TRPM1: variants seen among roughly 807,000 people sequenced by gnomAD.
TRPM1 encodes transient receptor potential cation channel subfamily M member 1.
In TRPM1, 113 loss-of-function variants were observed where a neutral mutation model predicts 149.4. The observed-to-expected ratio is 0.76, with a 90% CI of 0.65 to 0.88. The LOEUF is 0.88. Ranked by LOEUF, TRPM1 falls within the 40% of genes least tolerant of loss-of-function variation. The pLI, the probability that TRPM1 is intolerant of heterozygous loss-of-function variation, is 0.00. For missense variants in TRPM1, 1,976 were observed against 2,038.7 expected, an observed-to-expected ratio of 0.97 and a Z score of 0.59; for synonymous variants, 741 against 759.5, an observed-to-expected ratio of 0.98 and a Z score of 0.40.
At chr15:31,143,404 T>G (rs1410827661) in intron 1 of TRPM1, among the ~76,000 whole-genome samples, 2 of 152,192 alleles carry the variant, frequency 1.3e-5, no homozygotes, top group African/African-American at 2.4e-5. Flanking sequence ...TTGTTGTGTT[T>G]TGTTTTGTTT....
At chr15:31,083,178 A>C (rs2034907967) in intron 1 of TRPM1, among the ~76,000 whole-genome samples, 1 of 152,172 alleles carries the variant, frequency 6.6e-6, no homozygotes, top group South Asian at 2.1e-4. Flanking sequence ...TTGGGCCAAA[A>C]TTAACAAGCA....
rs773547868 is a variant in TRPM1, at chr15:31,001,926, ATCTG to A, written c.4770_4773del (p.Arg1591LeufsTer7). ...CTGCTTACACTACTGGCATGTCCAGATCTGTCTAACTTTCCCTGAATGGATTTCA... is the reference window on the plus strand; with the variant it reads ...CTGCTTACACTACTGGCATGTCCAGATCTAACTTTCCCTGAATGGATTTCA... On this transcript the variant is annotated frameshift_variant, in exon 28 of 28. Coordinates refer to ENST00000256552, the MANE Select transcript of TRPM1 (RefSeq NM_001252024.2). LOFTEE classifies it low-confidence loss of function (END_TRUNC). 1 of 1,614,152 alleles carries A rather than the reference ATCTG, an allele frequency of 6.2e-7. No homozygotes were observed. Among genetic ancestry groups the A allele is most frequent in the Admixed American group, 1.7e-5 (1 of 60,024 alleles).
chr15:31,117,134 G>A (rs1327382576), intron 1 of TRPM1, among the ~76,000 whole-genome samples: 1 of 151,750 alleles, frequency 6.6e-6, no homozygotes, highest in South Asian at 2.1e-4. Context: ...TGGATCATCT[G>A]AGGTCAGGAG....
chr15:31,076,889 G>A lies in TRPM1; in HGVS notation c.83+16C>T, dbSNP rs2034708037. ...CACTGGTTTGGATAATGTCTTAATC[G>A]TGGATTTCAATTTACCTGTTAGAGT... On this transcript the variant is annotated intron_variant, in intron 3 of 27. Coordinates refer to ENST00000256552, the MANE Select transcript of TRPM1 (RefSeq NM_001252024.2). The A allele has an allele frequency of 1.3e-5, 20 of 1,557,720 alleles. No individual in the cohort carries two copies. The highest frequency in any genetic ancestry group is 2.7e-5 in the African/African-American group (2 of 73,702).
chr15:31,113,799 C>G (rs1389550246), intron 1 of TRPM1, among the ~76,000 whole-genome samples: 1 of 152,172 alleles, frequency 6.6e-6, no homozygotes, highest in Non-Finnish European at 1.5e-5. Flanking sequence ...CAAGGACCCA[C>G]AGTTAGCAAC....
Position 31,002,200 on chromosome 15 carries a change from C to G in TRPM1, c.4500G>C (p.Thr1500=), listed in dbSNP as rs541509409. Residue 1500 remains threonine, a synonymous_variant, in exon 28 of 28, where the codon ACG becomes ACC. Coordinates refer to ENST00000256552, the MANE Select transcript of TRPM1 (RefSeq NM_001252024.2). ...AAGGAATATCTGTGCTATGAGAGCG[C>G]GTGATCTTTTGAACTTGGCATTGCC... ...TEWQCQVQKI[T]RSHSTDIPYI... is the part of the protein sequence containing the mutation. The G allele has an allele frequency of 6.2e-7, 1 of 1,614,238 alleles. No individual in the cohort carries two copies. Among genetic ancestry groups the G allele is most frequent in the Non-Finnish European group, 8.5e-7 (1 of 1,180,052 alleles).
In TRPM1 at chr15:31,112,206, G is replaced by C. The variant is rs1235892149; in HGVS notation, c.55-35222C>G. Among the ~76,000 whole-genome samples, 5 of 152,160 alleles carry C rather than the reference G, an allele frequency of 3.3e-5. 1 individual carries two copies. The East Asian group carries it at 9.6e-4, about 29-fold the overall frequency. On this transcript the variant is annotated intron_variant, in intron 1 of 26. Coordinates refer to the TRPM1 transcript ENST00000542188. ...GAGTTGATTCAGAAATTGAGTGGCT[G>C]GGAGCTGTGGCTCATGCCTGTAATC...
At chr15:31,046,084 A>G in intron 16 of TRPM1, 120 bp downstream of exon 16, 1 of 884,362 alleles carries the variant, frequency 1.1e-6, no homozygotes, top group Non-Finnish European at 1.9e-6. Context: ...ATATAATTTG[A>G]CTAAGACATC....
chr15:31,089,509 C>T (rs965064456), intron 1 of TRPM1, among the ~76,000 whole-genome samples: 3 of 152,230 alleles, frequency 2.0e-5, no homozygotes, highest in Non-Finnish European at 2.9e-5. Context: ...CTGGGGAGGC[C>T]TGTGTGCAAT....
At position 31,040,966 on chromosome 15, in the gene TRPM1, G is replaced by T. The variant is rs763634001; in HGVS notation, c.2088-620C>A. On this transcript the variant is annotated intron_variant, in intron 17 of 27. Coordinates refer to ENST00000256552, the MANE Select transcript of TRPM1 (RefSeq NM_001252024.2). This position sits in a 1 kb window ranked among gnomAD's most constrained non-coding sequence, Gnocchi z 4.2. ...GAGAAGCCAACATTCTCAGTGCTATGACAGGGATGAGGCATAGTTGTCATA... is the reference window on the plus strand; with the variant it reads ...GAGAAGCCAACATTCTCAGTGCTATTACAGGGATGAGGCATAGTTGTCATA... Among the ~76,000 whole-genome samples the T allele has an allele frequency of 2.6e-5, 4 of 152,292 alleles. No individual in the cohort carries two copies. Among genetic ancestry groups the T allele is most frequent in the Admixed American group, 6.5e-5 (1 of 15,310 alleles).
chr15:31,029,891 T>TA (rs984387935), intron 23 of TRPM1, among the ~76,000 whole-genome samples: 17 of 148,946 alleles, frequency 1.1e-4, no homozygotes, highest in South Asian at 2.1e-4. Flanking sequence ...CAATTTAATT[T>TA]AAAAAAAAAA....
In TRPM1 at chr15:31,098,440, A is replaced by T. The variant is rs188191022; in HGVS notation, c.-84+3217T>A. 1.4e-3 allele frequency among the ~76,000 whole-genome samples: 215 copies of T among 152,268 alleles called. 3 individuals are homozygous for T. Among genetic ancestry groups the T allele is most frequent in the African/African-American group, 4.8e-3 (199 of 41,540 alleles). ...GCAAGACTCTGTCACACACACACAA[A>T]AATAATAATAATACACGTCAAACAC... On this transcript the variant is annotated intron_variant, in intron 1 of 27. Coordinates refer to ENST00000256552, the MANE Select transcript of TRPM1 (RefSeq NM_001252024.2).
intron 1 of TRPM1, among the ~76,000 whole-genome samples, chr15:31,107,373 T>C (rs2141020745): frequency 6.6e-6 from 1 of 152,332 alleles, no homozygotes; most frequent in South Asian, 2.1e-4. Flanking sequence ...TTATGATCCT[T>C]TGTATTAATA....
rs576094276 is a variant in TRPM1 at position 31,121,052 on chromosome 15, C to A, written c.54+39854G>T. On this transcript the variant is annotated intron_variant, in intron 1 of 26. Transcript: ENST00000542188. ...GACCAGCCTGGCCAAGATGGTGAAA[C>A]CCCATCTCTACTAAAAACACAAAAT... Among the ~76,000 whole-genome samples the A allele has an allele frequency of 2.0e-4, 31 of 151,690 alleles. No homozygotes were observed. In the South Asian group the frequency reaches 5.6e-3, roughly 27 times the overall value.
chr15:31,023,173 G>A (rs935341370), intron 27 of TRPM1, among the ~76,000 whole-genome samples: 1 of 152,204 alleles, frequency 6.6e-6, no homozygotes, highest in Non-Finnish European at 1.5e-5. Context: ...GGTGTGAGGT[G>A]GTGAAGTTTT....
chr15:31,111,847 A>AT lies in TRPM1; in HGVS notation c.55-34864dup, dbSNP rs763789345. The stretch of plus-strand genomic sequence containing the variant: ...ATGCTTTATCGCTTCTAAAATCTGA[A>AT]TTTTACCCCATTGGTTACAATAACC... On this transcript the variant is annotated intron_variant, in intron 1 of 26. Coordinates refer to the TRPM1 transcript ENST00000542188. Among the ~76,000 whole-genome samples, 4 of 152,190 alleles carry AT rather than the reference A, an allele frequency of 2.6e-5. No homozygotes were observed. In the East Asian group the frequency reaches 7.7e-4, roughly 29 times the overall value.
chr15:31,144,938 G>A (rs2036206207), intron 1 of TRPM1, among the ~76,000 whole-genome samples: 1 of 151,828 alleles, frequency 6.6e-6, no homozygotes, highest in East Asian at 1.9e-4. Flanking sequence ...CTGATCTCGA[G>A]CTCCCGACCT....
chr15:31,135,477 C>A (rs965791595), intron 1 of TRPM1, among the ~76,000 whole-genome samples: 1 of 152,128 alleles, frequency 6.6e-6, no homozygotes, highest in Non-Finnish European at 1.5e-5. Context: ...TACCCAAGTA[C>A]ATGCATATGG....
chr15:31,069,922 T>C (rs1229887182), intron 4 of TRPM1, 109 bp downstream of exon 4: 2 of 1,609,666 alleles, frequency 1.2e-6, no homozygotes, highest in Non-Finnish European at 1.7e-6. Flanking sequence ...TCTAGGAAGA[T>C]TGAGCCACAG....
Sources: allele counts gnomAD v4.1 joint callset (sites outside exome capture counted in the v4.1 genomes callset), GRCh38; gene constraint gnomAD v4.1.1; non-coding constraint Gnocchi (gnomAD v3.1); transcripts MANE v1.5; gene names NCBI Gene and HGNC (gene_info 2026-07-23, HGNC 2026-07-21).